The following SH3GL2 variants were observed in gnomAD, a reference collection of about 807,000 sequenced individuals.
SH3GL2 encodes SH3 domain containing GRB2 like 2, endophilin A1.
SH3GL2 carries 24 observed loss-of-function variants against 46.0 expected under a neutral mutation model. The observed-to-expected ratio is 0.52, with a 90% CI of 0.38 to 0.73. The LOEUF (loss-of-function observed/expected upper bound fraction) is 0.73. Among genes scored for constraint, SH3GL2 ranks in the 30% least tolerant of loss-of-function variants. The probability of loss-of-function intolerance (pLI) is 0.00; values close to 1 mark genes in which losing one functional copy is unlikely to be tolerated. For synonymous variants in SH3GL2, 196 were observed against 147.1 expected (o/e 1.33, Z -2.40); for missense variants, 413 against 424.2 (o/e 0.97, Z 0.23).
chr9:17,623,195 A>C (rs1235832153), intron 1 of SH3GL2, among the ~76,000 whole-genome samples: 1 of 150,274 alleles, frequency 6.7e-6, no homozygotes, highest in Admixed American at 6.7e-5. Context: ...TGGGCCCTTT[A>C]GTGGTTAAGG....
At chr9:17,778,585 A>T (rs796372756) in intron 3 of SH3GL2, among the ~76,000 whole-genome samples, 38 of 152,086 alleles carry the variant, frequency 2.5e-4, no homozygotes, top group African/African-American at 8.9e-4. Flanking sequence ...TGCTTTGGGG[A>T]GAAGAGTGAT....
At chr9:17,674,356 T>G (rs1225923797) in intron 1 of SH3GL2, among the ~76,000 whole-genome samples, 2 of 152,148 alleles carry the variant, frequency 1.3e-5, no homozygotes, top group African/African-American at 2.4e-5. Flanking sequence ...AACCTCCGCC[T>G]CACGAGTTCA....
intron 3 of SH3GL2, among the ~76,000 whole-genome samples, chr9:17,772,031 G>A (rs9407852): frequency 0.1 from 15,498 of 152,168 alleles, 871 homozygotes; most frequent in Non-Finnish European, 0.11. Flanking sequence ...GTAATTGTTA[G>A]TGTGCAAAAC....
chr9:17,754,036 A>G (rs575504891), intron 2 of SH3GL2, among the ~76,000 whole-genome samples: 4 of 152,172 alleles, frequency 2.6e-5, no homozygotes, highest in South Asian at 4.2e-4. Context: ...CTGTTGGTTT[A>G]TGTGTCTGTT....
chr9:17,623,743 A>C (rs1285494105), intron 1 of SH3GL2, among the ~76,000 whole-genome samples: 1 of 148,702 alleles, frequency 6.7e-6, no homozygotes, highest in Non-Finnish European at 1.5e-5. Flanking sequence ...CACACCACCC[A>C]CCATATATTT....
At chr9:17,751,509 T>TGTGTGTGTGTG in intron 2 of SH3GL2, among the ~76,000 whole-genome samples, 1 of 150,348 alleles carries the variant, frequency 6.7e-6, no homozygotes, top group African/African-American at 2.5e-5. Flanking sequence ...TGTGTGTGTG[T>TGTGTGTGTGTG]TTTGCCTCAG....
chr9:17,705,862 A>G (rs1189434750), intron 1 of SH3GL2, among the ~76,000 whole-genome samples: 1 of 151,928 alleles, frequency 6.6e-6, no homozygotes, highest in Non-Finnish European at 1.5e-5. Context: ...TGTGCCTATC[A>G]CCTGGGTAAC....
intron 1 of SH3GL2, chr9:17,735,592 T>G (rs1298120010): frequency 6.4e-6 from 1 of 155,386 alleles, no homozygotes; most frequent in East Asian, 1.9e-4. Flanking sequence ...AGGACCAACT[T>G]TTTGTATATG....
intron 1 of SH3GL2, among the ~76,000 whole-genome samples, chr9:17,603,544 G>A (rs1818708392): frequency 6.6e-6 from 1 of 152,076 alleles, no homozygotes; most frequent in Non-Finnish European, 1.5e-5. Context: ...TCTAGAGATG[G>A]ACGGTGGTGA....
At chr9:17,595,389 C>G (rs895506889) in intron 1 of SH3GL2, among the ~76,000 whole-genome samples, 11 of 152,202 alleles carry the variant, frequency 7.2e-5, no homozygotes, top group African/African-American at 2.7e-4. Flanking sequence ...CAATATCTGA[C>G]ATTTTTCATT....
At chr9:17,697,866 C>G (rs3808701) in intron 1 of SH3GL2, among the ~76,000 whole-genome samples, 26,716 of 152,070 alleles carry the variant, frequency 0.18, 3,440 homozygotes, top group African/African-American at 0.36. Context: ...TTGTCTTCTC[C>G]TTTGCTCTAT....
At chr9:17,738,533 CA>C (rs1232514412) in intron 1 of SH3GL2, among the ~76,000 whole-genome samples, 1 of 108,736 alleles carries the variant, frequency 9.2e-6, no homozygotes, top group African/African-American at 3.4e-5. Context: ...TATATACATA[CA>C]TATATACATA....
intron 1 of SH3GL2, among the ~76,000 whole-genome samples, chr9:17,579,782 C>T (rs568820178): frequency 1.4e-4 from 21 of 152,270 alleles, no homozygotes; most frequent in Middle Eastern, 3.4e-3. Context: ...ACCCTGTTGT[C>T]AGAACCCTCC....
chr9:17,715,524 GT>G lies in SH3GL2; in HGVS notation c.46-31541del, dbSNP rs572801981. Among the ~76,000 whole-genome samples, 456 of 151,482 alleles carry G rather than the reference GT, an allele frequency of 3.0e-3. 8 individuals carry two copies. Among genetic ancestry groups the G allele is most frequent in the African/African-American group, 0.01 (415 of 41,350 alleles). On this transcript the variant is annotated intron_variant, in intron 1 of 8. Coordinates refer to ENST00000380607, the MANE Select transcript of SH3GL2 (RefSeq NM_003026.5). ...TCTTTTTTTGATTCATTTTCTCCAT[GT>G]GTTTCATTTTTGGATTGATTTTATT... is the stretch of plus-strand genomic sequence containing the variant.
At chr9:17,735,445 G>C (rs1015586137) in intron 1 of SH3GL2, among the ~76,000 whole-genome samples, 8 of 152,238 alleles carry the variant, frequency 5.3e-5, no homozygotes, top group African/African-American at 1.9e-4. Context: ...TTATGTAAGA[G>C]TATGACATAT....
chr9:17,637,324 C>G (rs72713356), intron 1 of SH3GL2, among the ~76,000 whole-genome samples: 2 of 152,150 alleles, frequency 1.3e-5, no homozygotes, highest in Non-Finnish European at 2.9e-5. Flanking sequence ...TCAGGCCCAA[C>G]GAGAGTATTC....
intron 1 of SH3GL2, chr9:17,590,318 A>C (rs1260579748): frequency 6.6e-6 from 1 of 152,162 alleles, no homozygotes; most frequent in Non-Finnish European, 1.5e-5. Flanking sequence ...ACACTGGCTA[A>C]AGGAAGTGTT....
chr9:17,760,427 A>G (rs1823136970), intron 2 of SH3GL2, among the ~76,000 whole-genome samples: 1 of 151,974 alleles, frequency 6.6e-6, no homozygotes, highest in Non-Finnish European at 1.5e-5. Flanking sequence ...ATATACCGGT[A>G]TATATTATAT....
At chr9:17,609,506 G>C (rs933488815) in intron 1 of SH3GL2, among the ~76,000 whole-genome samples, 1 of 152,106 alleles carries the variant, frequency 6.6e-6, no homozygotes, top group Admixed American at 6.5e-5. Context: ...GGAGCTCTCC[G>C]TGGGGCCACC....
Sources: gnomAD v4.1 joint callset for allele counts (sites outside exome capture counted in the v4.1 genomes callset) on GRCh38, gnomAD v4.1.1 for gene constraint, MANE v1.5 for transcripts, NCBI Gene and HGNC (gene_info 2026-07-23, HGNC 2026-07-21) for gene names.